Variants in RNLS observed in about 807,000 individuals in gnomAD.
RNLS encodes renalase.
In RNLS, 39 loss-of-function variants were observed where a neutral mutation model predicts 39.8. The ratio of observed to expected loss-of-function variants is 0.98; its 90% CI spans 0.76 to 1.28. The LOEUF is 1.28. RNLS is among the 50% of genes most tolerant of loss of function. The probability of loss-of-function intolerance (pLI) is 0.00; values close to 1 mark genes in which losing one functional copy is unlikely to be tolerated. For synonymous variants in RNLS, 147 were observed against 150.7 expected, an observed-to-expected ratio of 0.98 and a Z score of 0.18; for missense variants, 410 against 413.3, an observed-to-expected ratio of 0.99 and a Z score of 0.07.
At chr10:88,251,364 C>A in the RNLS span, among the ~76,000 whole-genome samples, 1 of 152,204 alleles carries the variant, frequency 6.6e-6, no homozygotes, top group Admixed American at 6.5e-5. Context: ...GAATGAGCAG[C>A]ATGTGACTTT....
chr10:88,372,307 A>G (rs1850628966), intron 4 of RNLS, among the ~76,000 whole-genome samples: 1 of 152,156 alleles, frequency 6.6e-6, no homozygotes. Flanking sequence ...TTTTAATCAT[A>G]AAGAACAATC....
downstream of RNLS, among the ~76,000 whole-genome samples, chr10:88,281,699 C>T (rs1564658266): frequency 1.3e-5 from 2 of 152,084 alleles, no homozygotes; most frequent in Non-Finnish European, 2.9e-5. Flanking sequence ...TAAGGGTTGT[C>T]CAATCAACTT....
At chr10:88,356,824 A>G (rs1849228993) in intron 5 of RNLS, among the ~76,000 whole-genome samples, 1 of 92,668 alleles carries the variant, frequency 1.1e-5, no homozygotes, top group African/African-American at 3.2e-5. Context: ...ATTGCTGACT[A>G]TTGGCTATTG....
chr10:88,273,866 G>A (rs879120382), exon 7 of RNLS: 6 of 152,102 alleles, frequency 3.9e-5, no homozygotes, highest in South Asian at 4.2e-4. Context: ...AAAAAATTAC[G>A]TTTCATTATA....
chr10:88,183,554 G>T, the RNLS span, among the ~76,000 whole-genome samples: 1,411 of 152,196 alleles, frequency 9.3e-3, 24 homozygotes, highest in African/African-American at 0.03. Context: ...AATCTTCAAT[G>T]ATTTCTCATG....
the RNLS span, among the ~76,000 whole-genome samples, chr10:88,171,961 T>A: frequency 2.0e-5 from 3 of 152,226 alleles, no homozygotes; most frequent in Non-Finnish European, 2.9e-5. Flanking sequence ...CCTCCAGGCT[T>A]GGCCATATTG....
rs1188875940 is a variant in RNLS, at chr10:88,285,280, A to G, written c.*74T>C. The G allele has an allele frequency of 1.4e-6, 2 of 1,436,132 alleles. No individual in the cohort carries two copies. Among genetic ancestry groups the G allele is most frequent in the Admixed American group, 2.5e-5 (1 of 39,904 alleles). 89.0% of individuals were successfully genotyped at this position (1,436,132 alleles called of 1,614,324 possible). On this transcript the variant is annotated 3_prime_UTR_variant, in exon 7 of 7. Coordinates refer to ENST00000331772, the MANE Select transcript of RNLS (RefSeq NM_001031709.3). Reference sequence around the variant, plus strand: ...CAGTAATTTTTCTTAGCAAAATAGAAAACAAAATAATCAATAACAGAAAAT... The same window carrying G: ...CAGTAATTTTTCTTAGCAAAATAGAGAACAAAATAATCAATAACAGAAAAT...
At chr10:88,362,156 G>A (rs1010809450) in intron 5 of RNLS, among the ~76,000 whole-genome samples, 6 of 151,952 alleles carry the variant, frequency 3.9e-5, no homozygotes, top group African/African-American at 1.5e-4. Flanking sequence ...TTCTAGCCGA[G>A]GGAGTGGAAG....
At chr10:88,222,792 A>C in the RNLS span, among the ~76,000 whole-genome samples, 1 of 152,224 alleles carries the variant, frequency 6.6e-6, no homozygotes, top group Non-Finnish European at 1.5e-5. Flanking sequence ...AACAGGGCAG[A>C]GTTAGTACAA....
At chr10:88,190,931 A>G in the RNLS span, among the ~76,000 whole-genome samples, 4 of 152,200 alleles carry the variant, frequency 2.6e-5, no homozygotes, top group Non-Finnish European at 5.9e-5. Context: ...GGTCTTGTCC[A>G]GGGCAGACGG....
downstream of RNLS, among the ~76,000 whole-genome samples, chr10:88,281,130 C>T (rs1842996045): frequency 6.6e-6 from 1 of 152,192 alleles, no homozygotes; most frequent in Admixed American, 6.5e-5. Context: ...GCAGTTTGGT[C>T]CTGCACCAGA....
intron 3 of RNLS, among the ~76,000 whole-genome samples, chr10:88,576,761 A>G (rs1850235837): frequency 6.6e-6 from 1 of 152,168 alleles, no homozygotes; most frequent in African/African-American, 2.4e-5. Context: ...AAAAGTAAAT[A>G]TTACAATACA....
At chr10:88,251,573 A>G in the RNLS span, among the ~76,000 whole-genome samples, 2 of 152,342 alleles carry the variant, frequency 1.3e-5, no homozygotes, top group South Asian at 2.1e-4. Context: ...GGTAGCTGTT[A>G]TAAGGAGTTT....
chr10:88,397,331 T>C (rs1259764949), intron 4 of RNLS, among the ~76,000 whole-genome samples: 1 of 151,756 alleles, frequency 6.6e-6, no homozygotes, highest in Non-Finnish European at 1.5e-5. Flanking sequence ...AGACAGAAAT[T>C]TGGAAAATTT....
intron 5 of RNLS, among the ~76,000 whole-genome samples, chr10:88,328,854 C>CT: frequency 6.6e-6 from 1 of 152,212 alleles, no homozygotes; most frequent in East Asian, 1.9e-4. Context: ...TCATTTTCCT[C>CT]TTCCAAAAGT....
At chr10:88,300,194 A>G (rs1844410012) in intron 6 of RNLS, among the ~76,000 whole-genome samples, 1 of 152,218 alleles carries the variant, frequency 6.6e-6, no homozygotes, top group Non-Finnish European at 1.5e-5. Flanking sequence ...GTGATGAGGA[A>G]GGGATACAAA....
intron 4 of RNLS, among the ~76,000 whole-genome samples, chr10:88,437,419 G>T (rs1841472676): frequency 6.6e-6 from 1 of 152,130 alleles, no homozygotes; most frequent in South Asian, 2.1e-4. Flanking sequence ...TTAGAACCAA[G>T]ATATTTATCT....
chr10:88,231,254 C>T, the RNLS span, among the ~76,000 whole-genome samples: 1 of 152,170 alleles, frequency 6.6e-6, no homozygotes, highest in African/African-American at 2.4e-5. Flanking sequence ...TATAACTGGT[C>T]TCCTTATAAA....
At chr10:88,310,230 A>G (rs1845258240) in intron 6 of RNLS, among the ~76,000 whole-genome samples, 2 of 152,198 alleles carry the variant, frequency 1.3e-5, no homozygotes, top group Admixed American at 1.3e-4. Flanking sequence ...GTATGCGTAA[A>G]TAAATACTTT....
Sources: gnomAD v4.1 joint callset for allele counts (sites outside exome capture counted in the v4.1 genomes callset) on GRCh38, gnomAD v4.1.1 for gene constraint, MANE v1.5 for transcripts, NCBI Gene and HGNC (gene_info 2026-07-23, HGNC 2026-07-21) for gene names.